MLLT3: variants seen among roughly 807,000 people sequenced by gnomAD.
MLLT3 encodes protein AF-9.
In MLLT3, 4 loss-of-function variants were observed where a neutral mutation model predicts 53.2. The ratio of observed to expected loss-of-function variants is 0.08; its 90% confidence interval spans 0.04 to 0.17. MLLT3 has a LOEUF of 0.17. Ranked by LOEUF, MLLT3 falls within the 10% of genes least tolerant of loss-of-function variation. MLLT3 has a pLI of 1.00. For missense variants in MLLT3, 569 were observed against 684.0 expected (o/e 0.83, Z 1.87); for synonymous variants, 283 against 230.6 (o/e 1.23, Z -2.06).
intron 2 of MLLT3, among the ~76,000 whole-genome samples, chr9:20,460,425 T>C (rs545137472): frequency 6.6e-6 from 1 of 152,378 alleles, no homozygotes; most frequent in Admixed American, 6.5e-5. Flanking sequence ...ATTATATGCA[T>C]ATGCATTCTC....
chr9:20,392,542 T>C (rs1822214376), intron 5 of MLLT3, among the ~76,000 whole-genome samples: 1 of 152,188 alleles, frequency 6.6e-6, no homozygotes, highest in African/African-American at 2.4e-5. Flanking sequence ...TTACTTAATT[T>C]TAAATGAAGA....
At chr9:20,604,888 C>T (rs1174593380) in intron 2 of MLLT3, among the ~76,000 whole-genome samples, 1 of 152,038 alleles carries the variant, frequency 6.6e-6, no homozygotes, top group Non-Finnish European at 1.5e-5. Flanking sequence ...ACATATATGG[C>T]CAGAAGTAAG....
chr9:20,536,145 T>G (rs1231385921), intron 2 of MLLT3, among the ~76,000 whole-genome samples: 1 of 151,954 alleles, frequency 6.6e-6, no homozygotes, highest in Non-Finnish European at 1.5e-5. Context: ...AATTCAGCCA[T>G]GCGACTACCA....
chr9:20,356,724 C>G (rs1821180040), intron 8 of MLLT3, among the ~76,000 whole-genome samples: 1 of 152,144 alleles, frequency 6.6e-6, no homozygotes, highest in Non-Finnish European at 1.5e-5. Flanking sequence ...ACTTTGCTAA[C>G]TAGGTTTAGA....
At chr9:20,585,905 C>T (rs1819946070) in intron 2 of MLLT3, among the ~76,000 whole-genome samples, 1 of 152,142 alleles carries the variant, frequency 6.6e-6, no homozygotes, top group Non-Finnish European at 1.5e-5. Flanking sequence ...GAGGGAGAAA[C>T]AGTGAATAAG....
At chr9:20,402,305 G>A (rs1334824470) in intron 5 of MLLT3, among the ~76,000 whole-genome samples, 2 of 152,204 alleles carry the variant, frequency 1.3e-5, no homozygotes, top group African/African-American at 4.8e-5. Context: ...TGAGGAATAA[G>A]GGAGCTTTTG....
intron 2 of MLLT3, among the ~76,000 whole-genome samples, chr9:20,521,940 T>C (rs1163979877): frequency 6.7e-6 from 1 of 150,260 alleles, no homozygotes; most frequent in Non-Finnish European, 1.5e-5. Context: ...AGAAATGTAA[T>C]AGGAACTAAA....
intron 4 of MLLT3, among the ~76,000 whole-genome samples, chr9:20,427,891 T>G (rs1176219284): frequency 6.6e-6 from 1 of 152,052 alleles, no homozygotes; most frequent in African/African-American, 2.4e-5. Flanking sequence ...TTAAAAGCAG[T>G]GGTAATTAAT....
intron 5 of MLLT3, among the ~76,000 whole-genome samples, chr9:20,387,982 T>C (rs892856550): frequency 2.0e-5 from 3 of 152,186 alleles, no homozygotes; most frequent in East Asian, 1.9e-4. Context: ...AACATCACAA[T>C]TGCCCCCCAA....
chr9:20,370,749 G>A (rs1456113692), intron 5 of MLLT3, among the ~76,000 whole-genome samples: 1 of 152,122 alleles, frequency 6.6e-6, no homozygotes, highest in Non-Finnish European at 1.5e-5. Flanking sequence ...GACCTCAGGT[G>A]ATCCACCTGC....
intron 2 of MLLT3, among the ~76,000 whole-genome samples, chr9:20,580,316 TAA>T (rs1348657483): frequency 6.6e-6 from 1 of 152,290 alleles, no homozygotes; most frequent in East Asian, 1.9e-4. Flanking sequence ...TAGACAGTGA[TAA>T]GAGTCCCATC....
intron 5 of MLLT3, among the ~76,000 whole-genome samples, chr9:20,374,856 T>C (rs1293211255): frequency 6.6e-6 from 1 of 152,206 alleles, no homozygotes; most frequent in East Asian, 1.9e-4. Flanking sequence ...GTTGAAGCCT[T>C]AACCCCCAGT....
chr9:20,440,624 C>T (rs913394434), intron 4 of MLLT3, among the ~76,000 whole-genome samples: 2 of 152,126 alleles, frequency 1.3e-5, no homozygotes, highest in Non-Finnish European at 2.9e-5. Flanking sequence ...TGAACTCAGA[C>T]AAAGTATTAG....
At chr9:20,556,618 G>C (rs1489588697) in intron 2 of MLLT3, among the ~76,000 whole-genome samples, 1 of 152,066 alleles carries the variant, frequency 6.6e-6, no homozygotes, top group African/African-American at 2.4e-5. Context: ...AAGAGTAGGA[G>C]GTTGCAGTGA....
chr9:20,616,069 C>A (rs1820827330), intron 2 of MLLT3, among the ~76,000 whole-genome samples: 1 of 151,950 alleles, frequency 6.6e-6, no homozygotes, highest in Admixed American at 6.6e-5. Flanking sequence ...ATAACTTACA[C>A]AAAAAAACTC....
chr9:20,574,909 C>G (rs368033849), intron 2 of MLLT3, among the ~76,000 whole-genome samples: 1 of 152,206 alleles, frequency 6.6e-6, no homozygotes, highest in South Asian at 2.1e-4. Context: ...TGATCAACCA[C>G]GTTATATGTA....
chr9:20,550,512 C>T (rs973399572), intron 2 of MLLT3, among the ~76,000 whole-genome samples: 25 of 152,248 alleles, frequency 1.6e-4, no homozygotes, highest in African/African-American at 6.0e-4. Context: ...CTCACCATAA[C>T]CTCGGCCTCC....
chr9:20,346,934 T>C (rs935763889), intron 10 of MLLT3, among the ~76,000 whole-genome samples: 2 of 152,062 alleles, frequency 1.3e-5, no homozygotes, highest in Admixed American at 6.6e-5. Flanking sequence ...TTATACTTAA[T>C]AGACATAAGA....
chr9:20,569,290 G>A (rs764236713), intron 2 of MLLT3, among the ~76,000 whole-genome samples: 11 of 152,088 alleles, frequency 7.2e-5, no homozygotes, highest in Admixed American at 1.3e-4. Flanking sequence ...ACTGAGACTC[G>A]GAGAAACCAG....
Sources: allele counts gnomAD v4.1 joint callset (sites outside exome capture counted in the v4.1 genomes callset), GRCh38; gene constraint gnomAD v4.1.1; transcripts MANE v1.5; gene names NCBI Gene and HGNC (gene_info 2026-07-23, HGNC 2026-07-21).